Variants in CEP95 observed in about 807,000 individuals in gnomAD.
CEP95 encodes centrosomal protein of 95 kDa.
Under a neutral mutation model 111.2 loss-of-function variants are expected in CEP95, and 98 were observed. The ratio of observed to expected loss-of-function variants is 0.88; its 90% CI spans 0.75 to 1.04. CEP95 has a LOEUF of 1.04. Among genes scored for constraint, CEP95 ranks in the 50% least tolerant of loss-of-function variants. The pLI is 0.00. For synonymous variants in CEP95, 323 were observed against 327.1 expected, an observed-to-expected ratio of 0.99 and a Z score of 0.14; for missense variants, 1,027 against 977.2, an observed-to-expected ratio of 1.05 and a Z score of -0.68.
chr17:64,513,210 T>G (rs1555675531), intron 3 of CEP95, among the ~76,000 whole-genome samples: 1 of 152,154 alleles, frequency 6.6e-6, no homozygotes. Flanking sequence ...AATTTCTGGT[T>G]TAGGTTTGTT....
intron 8 of CEP95, 123 bp from the exon 9 acceptor site, chr17:64,525,646 CT>C (rs1967752979): frequency 1.6e-6 from 1 of 606,928 alleles, no homozygotes; most frequent in African/African-American, 1.9e-5. Context: ...GACAAATGCA[CT>C]TCAAAACACG....
Position 64,508,667 on chromosome 17 carries a change from A to T in CEP95, c.95A>T (p.Asp32Val). ...HLRIHELQDC[D>V]ANVFIALYQS... Reference sequence around the variant, plus strand: ...AGAATACATGAACTTCAAGACTGTGATGCTAATGTTTTTATTGCTCTTTAT... The same window carrying T: ...AGAATACATGAACTTCAAGACTGTGTTGCTAATGTTTTTATTGCTCTTTAT... The change falls in exon 2 of 20, where the codon GAT (aspartate) becomes GTT (valine). Residue 32 changes from aspartate to valine, a missense_variant. Coordinates refer to ENST00000556440, the MANE Select transcript of CEP95 (RefSeq NM_138363.3). 1.4e-6 allele frequency: 2 copies of T among 1,462,654 alleles called. No homozygotes were observed. Among genetic ancestry groups the T allele is most frequent in the Admixed American group, 2.1e-5 (1 of 46,758 alleles). The allele number at this position is 1,462,654 out of a possible 1,614,324, so 90.6% of individuals were successfully genotyped here. A position where few individuals can be genotyped will look rare whatever the true frequency, so the allele number is the denominator to read the frequency against.
Position 64,536,587 on chromosome 17 carries a change from TTAAA to T in CEP95, c.2071-11_2071-8del. ...TATTCCTCAATGACTATTTTTACGA[TTAAA>T]TAACTGACAGATATTTAAGAAACTG... On this transcript the variant is annotated splice_polypyrimidine_tract_variant and intron_variant, in intron 17 of 19. Coordinates refer to ENST00000556440, the MANE Select transcript of CEP95 (RefSeq NM_138363.3). 2 of 1,582,882 alleles carry T rather than the reference TTAAA, an allele frequency of 1.3e-6. No homozygotes were observed. Among genetic ancestry groups the T allele is most frequent in the Non-Finnish European group, 1.7e-6 (2 of 1,164,758 alleles).
At position 64,510,114 on chromosome 17, in the gene CEP95, A is replaced by AT. The variant is rs1555674423; in HGVS notation, c.149-58dup. The AT allele has an allele frequency of 5.7e-6, 5 of 883,282 alleles. 1 individual carries two copies. The allele number at this position is 883,282 out of a possible 1,614,324, so 54.7% of individuals were successfully genotyped here. A position where few individuals can be genotyped will look rare whatever the true frequency, so the allele number is the denominator to read the frequency against. ...ATATTCAGTAGCCTAGTCAGAGACA[A>AT]TGAGATGAAAACTTGGCCTCTCATG... On this transcript the variant is annotated intron_variant, in intron 2 of 19. Transcript: ENST00000556440.
At chr17:64,506,806 G>A, upstream of CEP95, 1 of 570,906 alleles carries the variant, frequency 1.8e-6, no homozygotes, top group Middle Eastern at 4.8e-4. Flanking sequence ...CGGCTGATGT[G>A]GACCGTCCGA....
Position 64,534,688 on chromosome 17 carries a change from GAGTTC to G in CEP95, c.2026_2030del (p.Gln676ValfsTer16), listed in dbSNP as rs782604764. ...GCTCGAAAATATTATGATGATTATA[GAGTTC>G]AGTTGTGTGCAAAAATGATGAGAAT... On this transcript the variant is annotated frameshift_variant, in exon 17 of 20. Transcript: ENST00000556440. LOFTEE classifies it high-confidence loss of function. The G allele has an allele frequency of 6.2e-6, 10 of 1,613,136 alleles. No homozygotes were observed. The highest frequency in any genetic ancestry group is 1.3e-5 in the African/African-American group (1 of 74,914).
At chr17:64,527,897 C>CAT (rs1568147600) in intron 11 of CEP95, among the ~76,000 whole-genome samples, 1 of 149,568 alleles carries the variant, frequency 6.7e-6, no homozygotes, top group African/African-American at 2.5e-5. Context: ...TATATACACA[C>CAT]ACACACACAC....
Position 64,534,645 on chromosome 17 carries a change from C to T in CEP95, c.1978C>T (p.Arg660Ter), listed in dbSNP as rs201158989. The change falls in exon 17 of 20, where the codon CGA becomes TGA. Residue 660 changes from arginine (R) to a stop codon, truncating the protein, a stop_gained. Transcript: ENST00000556440. LOFTEE classifies it high-confidence loss of function. ...RLTQSKIKEN[R>*]QQIVRARKYY... Reference sequence around the variant, plus strand: ...GACCCAATCAAAGATAAAAGAAAATCGACAGCAAATCGTTCGTGCTCGAAA... The same window carrying T: ...GACCCAATCAAAGATAAAAGAAAATTGACAGCAAATCGTTCGTGCTCGAAA... 85 of 1,613,636 alleles carry T rather than the reference C, an allele frequency of 5.3e-5. No homozygotes were observed. Among genetic ancestry groups the T allele is most frequent in the Admixed American group, 8.3e-5 (5 of 59,972 alleles).
intron 1 of CEP95, chr17:64,507,801 G>A (rs1385202678): frequency 1.0e-6 from 1 of 985,302 alleles, no homozygotes; most frequent in African/African-American, 1.7e-5. Context: ...ACATAGTGGA[G>A]ATGTTTGTTT....
chr17:64,513,207 G>A lies in CEP95; in HGVS notation c.257-1041G>A, dbSNP rs117410917. Among the ~76,000 whole-genome samples, 441 of 152,244 alleles carry A rather than the reference G, an allele frequency of 2.9e-3. 2 individuals are homozygous for A. The highest frequency in any genetic ancestry group is 4.1e-3 in the Non-Finnish European group (280 of 68,012). ...TAGTAGTATAAAACGTCAAATTTCT[G>A]GTTTAGGTTTGTTTTGCATCATGGC... On this transcript the variant is annotated intron_variant, in intron 3 of 19. Coordinates refer to ENST00000556440, the MANE Select transcript of CEP95 (RefSeq NM_138363.3).
At chr17:64,513,758 G>A (rs1332717307) in intron 3 of CEP95, among the ~76,000 whole-genome samples, 1 of 152,028 alleles carries the variant, frequency 6.6e-6, no homozygotes, top group Admixed American at 6.6e-5. Flanking sequence ...ATCCCAACAA[G>A]TTTATTGTTT....
Position 64,522,936 on chromosome 17 carries a change from T to C in CEP95, c.909+41T>C, listed in dbSNP as rs1293888024. 9.6e-6 allele frequency: 14 copies of C among 1,457,332 alleles called. No individual in the cohort carries two copies. In the Admixed American group the frequency reaches 9.7e-5, roughly 10 times the overall value. The allele number at this position is 1,457,332 out of a possible 1,614,324, so 90.3% of individuals were successfully genotyped here. A position where few individuals can be genotyped will look rare whatever the true frequency, so the allele number is the denominator to read the frequency against. On this transcript the variant is annotated intron_variant, in intron 8 of 19. Coordinates refer to ENST00000556440, the MANE Select transcript of CEP95 (RefSeq NM_138363.3). The stretch of plus-strand genomic sequence containing the variant: ...TACTTTCAGTTGGCTAGAAGTACAC[T>C]TGTATGTATGTCTGTGTGTGTGTTG...
intron 3 of CEP95, among the ~76,000 whole-genome samples, chr17:64,511,184 T>G (rs2038872076): frequency 6.6e-6 from 1 of 152,186 alleles, no homozygotes; most frequent in African/African-American, 2.4e-5. Flanking sequence ...AAATTGCTAA[T>G]GAAGTTTTGG....
rs896347256 is a variant in CEP95 at position 64,526,122 on chromosome 17, G to A, written c.1074G>A (p.Arg358=). 5 of 1,613,578 alleles carry A rather than the reference G, an allele frequency of 3.1e-6. No individual in the cohort carries two copies. The highest frequency in any genetic ancestry group is 4.2e-6 in the Non-Finnish European group (5 of 1,179,790). The change falls in exon 10 of 20, where the codon AGG becomes AGA. Residue 358 remains arginine, a synonymous_variant. Transcript: ENST00000556440. ...ASSCNSPFPQ[R]PRKRLTEQEL... Reference sequence around the variant, plus strand: ...CCTGCAATTCACCTTTCCCCCAGAGGCCAAGAAAGAGATTAACAGAACAAG... The same window carrying A: ...CCTGCAATTCACCTTTCCCCCAGAGACCAAGAAAGAGATTAACAGAACAAG...
upstream of CEP95, chr17:64,506,834 C>T (rs2038556943): frequency 1.7e-6 from 1 of 599,108 alleles, no homozygotes; most frequent in African/African-American, 1.9e-5. Flanking sequence ...GTCTGATAAT[C>T]CTTTGACGGG....
chr17:64,507,523 T>TTATGCCCCTGCAGAATAGTAGAA, intron 1 of CEP95: 5 of 1,123,688 alleles, frequency 4.4e-6, no homozygotes, highest in Non-Finnish European at 5.5e-6. Flanking sequence ...TTAAGATTTA[T>TTATGCCCCTGCAGAATAGTAGAA]TATGCCCCTG....
At chr17:64,509,557 C>T (rs1463227474) in intron 2 of CEP95, among the ~76,000 whole-genome samples, 4 of 152,114 alleles carry the variant, frequency 2.6e-5, no homozygotes, top group African/African-American at 7.2e-5. Context: ...TAGTGGTGCA[C>T]GCCTATAAAC....
At chr17:64,508,214 C>T (rs1423075851) in intron 1 of CEP95, 1 of 985,212 alleles carries the variant, frequency 1.0e-6, no homozygotes, top group Non-Finnish European at 1.2e-6. Context: ...TTTCTGGTAA[C>T]CTCGGATTAT....
intron 19 of CEP95, 186 bp downstream of exon 19, chr17:64,537,298 C>G (rs1262814581): frequency 3.6e-6 from 5 of 1,397,370 alleles, no homozygotes; most frequent in Non-Finnish European, 4.7e-6. Flanking sequence ...TTTAATGATG[C>G]ATTTCTTGGA....
Sources: allele counts gnomAD v4.1 joint callset (sites outside exome capture counted in the v4.1 genomes callset), GRCh38; gene constraint gnomAD v4.1.1; transcripts MANE v1.5; gene names NCBI Gene and HGNC (gene_info 2026-07-23, HGNC 2026-07-21).